The following PLB1 variants were observed in gnomAD, a reference collection of about 807,000 sequenced individuals.
The protein encoded by PLB1 is phospholipase B1, membrane-associated.
Under a neutral mutation model 227.4 loss-of-function variants are expected in PLB1, and 242 were observed. That is an observed-to-expected ratio of 1.06 (90% CI 0.96 to 1.18). The LOEUF (loss-of-function observed/expected upper bound fraction) is 1.18. Among genes scored for constraint, PLB1 ranks in the 50% most tolerant of loss-of-function variants. The probability of loss-of-function intolerance (pLI) is 0.00; values close to 1 mark genes in which losing one functional copy is unlikely to be tolerated. For missense variants in PLB1, 1,858 were observed against 1,816.3 expected, an observed-to-expected ratio of 1.02 and a Z score of -0.42; for synonymous variants, 757 against 682.2, an observed-to-expected ratio of 1.11 and a Z score of -1.71.
rs563064212 is a variant in PLB1, at chr2:28,591,704, A to G, written c.2132A>G (p.His711Arg). The G allele has an allele frequency of 5.6e-6, 9 of 1,613,944 alleles. No individual in the cohort carries two copies. In the Admixed American group the frequency reaches 1.2e-4, roughly 21 times the overall value. ...GGATTTGTTCTATGCCCTTAGGGTC[A>G]TGGGACCTGGCTGCCATGCAGGGAC... ...LRTYKNSMQG[H>R]GTWLPCRDRA... The change falls in exon 31 of 58, where the codon CAT (histidine) becomes CGT (arginine). Residue 711 changes from histidine (H) to arginine (R), a missense_variant. His to Arg is a conservative substitution (Grantham distance 29). Transcript: ENST00000327757.
rs1676962247 is a variant in PLB1 at position 28,566,665 on chromosome 2, G to A, written c.1281-131G>A. On this transcript the variant is annotated intron_variant, in intron 19 of 57. Transcript: ENST00000327757. Reference sequence around the variant, plus strand: ...GCTTTTTCCGTTTTTCTACTGAAGTGATGGGGAAAGTGCAAGCTCCAGGCC... The same window carrying A: ...GCTTTTTCCGTTTTTCTACTGAAGTAATGGGGAAAGTGCAAGCTCCAGGCC... 8 of 968,136 alleles carry A rather than the reference G, an allele frequency of 8.3e-6. No individual in the cohort carries two copies. In the East Asian group the frequency reaches 2.0e-4, roughly 24 times the overall value. 60.0% of individuals were successfully genotyped at this position (968,136 alleles called of 1,614,324 possible).
chr2:28,597,608 A>G (rs1200425615), intron 33 of PLB1, among the ~76,000 whole-genome samples: 2 of 152,214 alleles, frequency 1.3e-5, no homozygotes, highest in Non-Finnish European at 2.9e-5. Context: ...TTGGGTTTCA[A>G]TGACTTTTAA....
At chr2:28,538,452 G>T (rs1310333144) in intron 10 of PLB1, 71 bp downstream of exon 10, 4 of 1,421,912 alleles carry the variant, frequency 2.8e-6, no homozygotes, top group Non-Finnish European at 3.9e-6. Flanking sequence ...CTCCACCGGG[G>T]TGGGGAAATG....
chr2:28,568,166 G>C (rs751031812), intron 20 of PLB1, among the ~76,000 whole-genome samples: 2 of 152,186 alleles, frequency 1.3e-5, no homozygotes, highest in African/African-American at 2.4e-5. Context: ...TTTATATCTA[G>C]GTCTACACAC....
At chr2:28,574,583 G>T (rs1678608191) in intron 21 of PLB1, among the ~76,000 whole-genome samples, 1 of 135,106 alleles carries the variant, frequency 7.4e-6, no homozygotes, top group Non-Finnish European at 1.6e-5. Flanking sequence ...TTTTGGTAGA[G>T]ACAGGGTTTC....
At chr2:28,565,444 GAAGGGTGGGCCATT>G in intron 19 of PLB1, 91 bp downstream of exon 19, 3 of 1,175,992 alleles carry the variant, frequency 2.6e-6, no homozygotes, top group Non-Finnish European at 3.6e-6. Context: ...GCCTTAAGCA[GAAGGGTGGGCCATT>G]TTGTTCTTTT....
At chr2:28,628,479 C>G in intron 51 of PLB1, 84 bp from the exon 52 acceptor site, 1 of 1,271,842 alleles carries the variant, frequency 7.9e-7, no homozygotes, top group Non-Finnish European at 1.1e-6. Context: ...TCATTTAGCC[C>G]AGGCCCCAGA....
chr2:28,574,906 C>T (rs1363363991), intron 21 of PLB1, among the ~76,000 whole-genome samples: 10 of 151,944 alleles, frequency 6.6e-5, no homozygotes, highest in African/African-American at 9.7e-5. Context: ...TTTTTTTATC[C>T]GCTTGTTGGT....
At chr2:28,632,221 C>CTT (rs3071742) in intron 55 of PLB1, 81 bp downstream of exon 55, 162,693 of 880,168 alleles carry the variant, frequency 0.18, 5,717 homozygotes, top group East Asian at 0.19. Flanking sequence ...TCTAAGTGGG[C>CTT]TTTTTTTTTT....
At chr2:28,625,929 AC>A (rs1431671111) in intron 50 of PLB1, among the ~76,000 whole-genome samples, 3 of 151,372 alleles carry the variant, frequency 2.0e-5, no homozygotes, top group Non-Finnish European at 4.4e-5. Flanking sequence ...AAAAAAAAAA[AC>A]ATCCTCTCTG....
rs1485862877 is a variant in PLB1 at position 28,496,153 on chromosome 2, G to C, written c.39G>C (p.Leu13=). 1.6e-5 allele frequency: 26 copies of C among 1,613,988 alleles called. No individual in the cohort carries two copies. The highest frequency in any genetic ancestry group is 2.1e-5 in the Non-Finnish European group (25 of 1,179,988). ...LRPGIFLLEL[L]LLLGQGTPQI... ...CAGGCATTTTCCTCCTGGAGCTGCTGCTGCTTCTGGGGCAAGGTAAGCGTG... is the reference window on the plus strand; with the variant it reads ...CAGGCATTTTCCTCCTGGAGCTGCTCCTGCTTCTGGGGCAAGGTAAGCGTG... The change falls in exon 1 of 58, where the codon CTG becomes CTC. Residue 13 remains leucine (L), a synonymous_variant. Coordinates refer to ENST00000327757, the MANE Select transcript of PLB1 (RefSeq NM_153021.5).
At chr2:28,629,467 C>A (rs535648133) in intron 53 of PLB1, among the ~76,000 whole-genome samples, 33 of 152,338 alleles carry the variant, frequency 2.2e-4, no homozygotes, top group African/African-American at 7.9e-4. Context: ...CCAAGGCAAA[C>A]CTTGGCACGC....
At chr2:28,545,409 C>G (rs896787726) in intron 14 of PLB1, among the ~76,000 whole-genome samples, 1 of 152,284 alleles carries the variant, frequency 6.6e-6, no homozygotes, top group Middle Eastern at 3.4e-3. Flanking sequence ...TCGAGCACAG[C>G]TGCTGGAACA....
At position 28,632,901 on chromosome 2, in the gene PLB1, G is replaced by A. The variant is rs545563976; in HGVS notation, c.4003-43G>A. ...GAGAGTGAGTGGGGCTCAGGTAGCA[G>A]AGCCCTTTCCCAGGATGATAACCTC... On this transcript the variant is annotated intron_variant, in intron 55 of 57. Coordinates refer to ENST00000327757, the MANE Select transcript of PLB1 (RefSeq NM_153021.5). 1.7e-5 allele frequency: 25 copies of A among 1,475,338 alleles called. No individual in the cohort carries two copies. In the South Asian group the frequency reaches 1.7e-4, roughly 10 times the overall value. 91.4% of individuals were successfully genotyped at this position (1,475,338 alleles called of 1,614,324 possible).
chr2:28,598,585 A>G lies in PLB1; in HGVS notation c.2366-67A>G, dbSNP rs76148689. ...CCCACTTTGGGGACCTAGGTCCCAC[A>G]GTACCAGAGAAGCTATTCTGGCTTT... On this transcript the variant is annotated intron_variant, in intron 34 of 57. Transcript: ENST00000327757. The G allele has an allele frequency of 0.011, 13,492 of 1,280,218 alleles. 1,021 individuals are homozygous for G. In the African/African-American group the frequency reaches 0.17, roughly 16 times the overall value. 79.3% of individuals were successfully genotyped at this position (1,280,218 alleles called of 1,614,324 possible).
chr2:28,508,731 G>A (rs1667904681), intron 1 of PLB1, among the ~76,000 whole-genome samples: 1 of 152,186 alleles, frequency 6.6e-6, no homozygotes, highest in Admixed American at 6.5e-5. Context: ...GAGCAGTGTG[G>A]TCCACACCCT....
In PLB1 at chr2:28,567,724, G is replaced by A. The variant is rs561612737; in HGVS notation, c.1324+885G>A. On this transcript the variant is annotated intron_variant, in intron 20 of 57. Coordinates refer to ENST00000327757, the MANE Select transcript of PLB1 (RefSeq NM_153021.5). ...CCTGACTTCGTGATCTGCCCGCCTT[G>A]GCCTCCCAAAGTGCTGGGATTACAG... 4.4e-3 allele frequency among the ~76,000 whole-genome samples: 663 copies of A among 152,116 alleles called. 6 individuals carry two copies. The highest frequency in any genetic ancestry group is 0.014 in the Middle Eastern group (4 of 294).
rs372392583 is a variant in PLB1, at chr2:28,589,770, G to A, written c.2016G>A (p.Met672Ile). 16 of 1,612,506 alleles carry A rather than the reference G, an allele frequency of 9.9e-6. No homozygotes were observed. In the Admixed American group the frequency reaches 2.0e-4, roughly 20 times the overall value. Residue 672 changes from methionine to isoleucine, a missense_variant and splice_region_variant, in exon 28 of 58, where the codon ATG becomes ATA. Transcript: ENST00000327757. Reference sequence around the variant, plus strand: ...CAGCCAGTGCTCTCTGGAACAATATGGTAAGTGGCTGCGGTAGGAAAATGC... The same window carrying A: ...CAGCCAGTGCTCTCTGGAACAATATAGTAAGTGGCTGCGGTAGGAAAATGC... ...SRAASALWNN[M>I]LEPVGQKTTR...
intron 10 of PLB1, among the ~76,000 whole-genome samples, chr2:28,538,666 G>A (rs1243537267): frequency 6.6e-6 from 1 of 152,190 alleles, no homozygotes; most frequent in Non-Finnish European, 1.5e-5. Context: ...ACTGGGGCGA[G>A]GATAAGATGG....
Sources: allele counts gnomAD v4.1 joint callset (sites outside exome capture counted in the v4.1 genomes callset), GRCh38; gene constraint gnomAD v4.1.1; transcripts MANE v1.5; gene names NCBI Gene and HGNC (gene_info 2026-07-23, HGNC 2026-07-21).